The following ACP6 variants were observed in gnomAD, a reference collection of about 807,000 sequenced individuals.
ACP6 encodes lysophosphatidic acid phosphatase type 6.
In ACP6, 48 loss-of-function variants were observed where a neutral mutation model predicts 48.1. The observed-to-expected ratio is 1.00, with a 90% CI of 0.79 to 1.27. The LOEUF (loss-of-function observed/expected upper bound fraction) is 1.27, where lower values mean the gene tolerates loss of function less well. Ranked by LOEUF, ACP6 falls within the 50% of genes most tolerant of loss-of-function variation. The pLI, the probability that ACP6 is intolerant of heterozygous loss-of-function variation, is 0.00. For missense variants in ACP6, 485 were observed against 529.1 expected, an observed-to-expected ratio of 0.92 and a Z score of 0.82; for synonymous variants, 172 against 204.2, an observed-to-expected ratio of 0.84 and a Z score of 1.34.
chr1:147,647,806 C>G (rs587731332), intron 9 of ACP6: 3 of 591,454 alleles, frequency 5.1e-6, no homozygotes, highest in Non-Finnish European at 8.6e-6. Flanking sequence ...CATCCCCGAG[C>G]TGGGAGAACC....
intron 1 of ACP6, 136 bp downstream of exon 1, chr1:147,669,694 C>A (rs1660983687): frequency 3.4e-6 from 3 of 878,930 alleles, no homozygotes; most frequent in Non-Finnish European, 5.1e-6. Flanking sequence ...CTGGCTACTG[C>A]TGTTTTCCCT....
In ACP6 at chr1:147,646,379, T is replaced by C. The variant is rs12045115; in HGVS notation, c.*1044A>G. The stretch of plus-strand genomic sequence containing the variant: ...CCAGTGAAATCCAAGTGGATAAAAG[T>C]GTCTGAAGCTCAGAAGAGAAACCTG... On this transcript the variant is annotated 3_prime_UTR_variant, in exon 10 of 10. Transcript: ENST00000583509. The C allele has an allele frequency of 0.57, 86,383 of 151,912 alleles. 24,767 individuals carry two copies. Among genetic ancestry groups the C allele is most frequent in the Admixed American group, 0.61 (9,297 of 15,280 alleles). The allele number at this position is 151,912 out of a possible 1,614,324, so 9.4% of individuals were successfully genotyped here. A position where few individuals can be genotyped will look rare whatever the true frequency, so the allele number is the denominator to read the frequency against.
rs1553213190 is a variant in ACP6 at position 147,663,990 on chromosome 1, A to T, written c.220-4215T>A. Among the ~76,000 whole-genome samples, 3 of 152,260 alleles carry T rather than the reference A, an allele frequency of 2.0e-5. No individual in the cohort carries two copies. In the East Asian group the frequency reaches 5.8e-4, roughly 29 times the overall value. Reference sequence around the variant, plus strand: ...AACATTTGGAAACCTACTATGTCACATATCGTCATATTTATCTTCTACCCT... The same window carrying T: ...AACATTTGGAAACCTACTATGTCACTTATCGTCATATTTATCTTCTACCCT... On this transcript the variant is annotated intron_variant, in intron 1 of 9. Transcript: ENST00000583509.
chr1:147,668,947 C>T (rs2148919420), intron 1 of ACP6, among the ~76,000 whole-genome samples: 1 of 152,262 alleles, frequency 6.6e-6, no homozygotes, highest in Middle Eastern at 3.4e-3. Flanking sequence ...ACAATCTTTT[C>T]GACCTCCTCC....
intron 1 of ACP6, among the ~76,000 whole-genome samples, chr1:147,665,306 G>C (rs1399410353): frequency 8.5e-5 from 13 of 152,182 alleles, no homozygotes; most frequent in Non-Finnish European, 7.3e-5. Flanking sequence ...AGAGCCTAAG[G>C]CCTCATCTAA....
chr1:147,657,671 A>C (rs12145385), intron 4 of ACP6, among the ~76,000 whole-genome samples: 1 of 152,064 alleles, frequency 6.6e-6, no homozygotes, highest in East Asian at 1.9e-4. Context: ...CACCCGCCTC[A>C]GCCTCCCAAA....
intron 1 of ACP6, 149 bp downstream of exon 1, chr1:147,669,681 T>G (rs1553214242): frequency 5.2e-6 from 4 of 770,522 alleles, no homozygotes; most frequent in South Asian, 2.1e-5. Flanking sequence ...GCCTGGGGAG[T>G]CACTGGCTAC....
At chr1:147,669,365 C>T (rs1215028979) in intron 1 of ACP6, among the ~76,000 whole-genome samples, 1 of 152,166 alleles carries the variant, frequency 6.6e-6, no homozygotes, top group African/African-American at 2.4e-5. Context: ...ACCTCTTATC[C>T]ACTGTAATCT....
Position 147,670,223 on chromosome 1 carries a change from G to A in ACP6, c.-175C>T. On this transcript the variant is annotated 5_prime_UTR_variant, in exon 1 of 10. Transcript: ENST00000583509. The stretch of plus-strand genomic sequence containing the variant: ...CTCCCGGCCCTGAGGGAGACCCCGA[G>A]TGGGAACGGGGGAGAGAACAAGAGG... The A allele has an allele frequency of 1.7e-6, 1 of 602,198 alleles. No individual in the cohort carries two copies. The highest frequency in any genetic ancestry group is 3.1e-5 in the Admixed American group (1 of 32,526). The allele number at this position is 602,198 out of a possible 1,614,324, so 37.3% of individuals were successfully genotyped here. A position where few individuals can be genotyped will look rare whatever the true frequency, so the allele number is the denominator to read the frequency against.
downstream of ACP6, among the ~76,000 whole-genome samples, chr1:147,640,688 A>C (rs587654340): frequency 6.6e-6 from 1 of 152,292 alleles, no homozygotes; most frequent in African/African-American, 2.4e-5. Flanking sequence ...TGACTCCAAG[A>C]TCAGTGGTCT....
intron 5 of ACP6, among the ~76,000 whole-genome samples, chr1:147,634,417 G>A (rs1659247384): frequency 1.4e-5 from 2 of 140,070 alleles, no homozygotes; most frequent in East Asian, 2.1e-4. Flanking sequence ...TCTGTTGATT[G>A]TGTCCTTTGA....
chr1:147,649,611 AT>A (rs1659809783), intron 8 of ACP6, among the ~76,000 whole-genome samples: 1 of 152,052 alleles, frequency 6.6e-6, no homozygotes, highest in Admixed American at 6.6e-5. Context: ...TGCCCGGATA[AT>A]TTTTGTATTT....
At chr1:147,652,777 T>G in intron 6 of ACP6, 2 of 768,310 alleles carry the variant, frequency 2.6e-6, no homozygotes, top group East Asian at 2.7e-5. Flanking sequence ...AAAGGGTTTC[T>G]TCCCTTTCTG....
chr1:147,651,594 G>A (rs1553210561), intron 7 of ACP6: 1 of 152,098 alleles, frequency 6.6e-6, no homozygotes. Context: ...GCAAGTCCCA[G>A]GGAGTGGCAG....
chr1:147,666,540 T>G (rs1385646709), intron 1 of ACP6, among the ~76,000 whole-genome samples: 1 of 152,220 alleles, frequency 6.6e-6, no homozygotes, highest in Non-Finnish European at 1.5e-5. Flanking sequence ...ACCAGGACAT[T>G]TTTTAAAAGT....
chr1:147,669,799 C>G, intron 1 of ACP6, 31 bp downstream of exon 1: 1 of 1,539,426 alleles, frequency 6.5e-7, no homozygotes, highest in Non-Finnish European at 8.8e-7. Context: ...GGTCCTCGCC[C>G]CACCAGCCCC....
At chr1:147,636,995 A>G (rs1203901544) in intron 5 of ACP6, among the ~76,000 whole-genome samples, 1 of 152,204 alleles carries the variant, frequency 6.6e-6, no homozygotes, top group Non-Finnish European at 1.5e-5. Context: ...GAGCTACTGG[A>G]GTCCCCAGGC....
intron 6 of ACP6, among the ~76,000 whole-genome samples, chr1:147,652,964 C>T (rs1357750039): frequency 1.1e-4 from 17 of 152,156 alleles, no homozygotes; most frequent in Non-Finnish European, 1.9e-4. Flanking sequence ...GTAGCTGGGA[C>T]TACAGGTGCC....
chr1:147,633,074 C>T (rs1557871785), intron 5 of ACP6, among the ~76,000 whole-genome samples: 3 of 152,208 alleles, frequency 2.0e-5, no homozygotes, highest in South Asian at 4.2e-4. Context: ...CCACTTGAGC[C>T]GTCCGATAAT....
Sources: gnomAD v4.1 joint callset for allele counts (sites outside exome capture counted in the v4.1 genomes callset) on GRCh38, gnomAD v4.1.1 for gene constraint, MANE v1.5 for transcripts, NCBI Gene and HGNC (gene_info 2026-07-23, HGNC 2026-07-21) for gene names.